Variants in ADAMTS10 observed in about 807,000 individuals in gnomAD.
ADAMTS10 encodes the protein ADAM metallopeptidase with thrombospondin type 1 motif 10.
A neutral mutation model predicts 135.9 loss-of-function variants in ADAMTS10; 48 were observed. The ratio of observed to expected loss-of-function variants is 0.35; its 90% CI spans 0.28 to 0.45. The LOEUF is 0.45. Among genes scored for constraint, ADAMTS10 ranks in the 20% least tolerant of loss-of-function variants. The pLI is 1.00. For missense variants in ADAMTS10, 1,131 were observed against 1,565.2 expected (o/e 0.72, Z 4.68); for synonymous variants, 621 against 647.5 (o/e 0.96, Z 0.62).
chr19:8,609,414 G>C (rs2042756739), intron 1 of ADAMTS10, among the ~76,000 whole-genome samples: 1 of 151,976 alleles, frequency 6.6e-6, no homozygotes, highest in Non-Finnish European at 1.5e-5. Flanking sequence ...CCCATCCCGG[G>C]GATCCTGAAG....
At chr19:8,608,083 ACAGCCGTGAGC>A (rs1270060849) in intron 2 of ADAMTS10, 40 bp downstream of exon 2, 2 of 152,514 alleles carry the variant, frequency 1.3e-5, no homozygotes, top group Non-Finnish European at 2.9e-5. Context: ...TGCTGGGATT[ACAGCCGTGAGC>A]CACAGCACCT....
Position 8,600,704 on chromosome 19 carries a change from T to C in ADAMTS10, c.810+224A>G, listed in dbSNP as rs192208534. The stretch of plus-strand genomic sequence containing the variant: ...TAGTAGAGATGGGGTTTCACCGTGT[T>C]AGCCAGGATGGTCTCCATCTCCTGA... On this transcript the variant is annotated intron_variant, in intron 6 of 25. Transcript: ENST00000597188. Among the ~76,000 whole-genome samples the C allele has an allele frequency of 1.7e-4, 26 of 152,122 alleles. 1 individual carries two copies. The highest frequency in any genetic ancestry group is 4.2e-4 in the South Asian group (2 of 4,796).
rs2042616597 is a variant in ADAMTS10 at position 8,597,259 on chromosome 19, C to T, written c.869G>A (p.Arg290His). The T allele has an allele frequency of 3.7e-6, 6 of 1,614,084 alleles. No individual in the cohort carries two copies. The highest frequency in any genetic ancestry group is 5.1e-6 in the Non-Finnish European group (6 of 1,180,028). The part of the protein sequence containing the change: ...LGSTVNILVT[R>H]LILLTEDQPT... The stretch of plus-strand genomic sequence containing the variant: ...CTGGTCCTCCGTGAGCAGGATGAGG[C>T]GAGTTACGAGGATGTTAACGGTGCT... The change falls in exon 7 of 26, where the codon CGC (arginine) becomes CAC (histidine). Residue 290 changes from arginine (R) to histidine (H), a missense_variant. Arg to His is a conservative substitution (Grantham distance 29). Around this residue, in one of 3 missense-constraint regions of ADAMTS10, gnomAD observed 80 missense variants for 164.4 expected, o/e 0.49. Coordinates refer to ENST00000597188, the MANE Select transcript of ADAMTS10 (RefSeq NM_030957.4).
chr19:8,596,524 C>T lies in ADAMTS10; in HGVS notation c.1084+18G>A. 6.2e-7 allele frequency: 1 copy of T among 1,614,028 alleles called. No individual in the cohort carries two copies. The highest frequency in any genetic ancestry group is 8.5e-7 in the Non-Finnish European group (1 of 1,179,946). ...CCACTGCCTTCATAGGCGCCTGAAA[C>T]CTACGGGGCTCGGGTACCTAGTGTG... On this transcript the variant is annotated intron_variant, in intron 9 of 25. Transcript: ENST00000597188. This position sits in a 1 kb window ranked among gnomAD's most constrained non-coding sequence, Gnocchi z 7.2.
At chr19:8,592,389 G>A (rs2042546944) in intron 13 of ADAMTS10, among the ~76,000 whole-genome samples, 1 of 151,486 alleles carries the variant, frequency 6.6e-6, no homozygotes, top group African/African-American at 2.4e-5. Flanking sequence ...TTCAGGCTGG[G>A]GAGGGGAGGT....
At chr19:8,603,570 G>A (rs540362486) in intron 5 of ADAMTS10, among the ~76,000 whole-genome samples, 158 bp downstream of exon 5, 4 of 152,176 alleles carry the variant, frequency 2.6e-5, no homozygotes, top group Admixed American at 6.5e-5. Context: ...CACTGCACCC[G>A]GCCGGAACTC....
intron 21 of ADAMTS10, 32 bp from the exon 22 acceptor site, chr19:8,586,283 C>T (rs1411970965): frequency 3.1e-6 from 5 of 1,613,212 alleles, no homozygotes; most frequent in Non-Finnish European, 4.2e-6. Flanking sequence ...CTGCTCAGCC[C>T]CTCCCGGCCC....
At chr19:8,590,578 C>T (rs1413999018) in intron 15 of ADAMTS10, among the ~76,000 whole-genome samples, 5 of 152,202 alleles carry the variant, frequency 3.3e-5, no homozygotes, top group Non-Finnish European at 1.5e-5. Context: ...CCTGCCTCAG[C>T]CTCCCAAGTA....
At chr19:8,592,642 G>A in intron 13 of ADAMTS10, 121 bp downstream of exon 13, 1 of 1,021,836 alleles carries the variant, frequency 9.8e-7, no homozygotes. Context: ...AGCACAAATG[G>A]CGGGCGTGGC....
At chr19:8,600,188 A>C (rs2042647428) in intron 6 of ADAMTS10, among the ~76,000 whole-genome samples, 1 of 152,192 alleles carries the variant, frequency 6.6e-6, no homozygotes, top group African/African-American at 2.4e-5. Context: ...ATGCTTTATG[A>C]ATGCACTGGA....
Position 8,596,108 on chromosome 19 carries a change from T to A in ADAMTS10, c.1302A>T (p.Ser434=). ...ITMKTNPFVW[S]SCSRDYITSF... The stretch of plus-strand genomic sequence containing the variant: ...TGGTGATGTAGTCACGGCTGCAGGA[T>A]GACCACACGAATGGGTTGGTCTTCA... Residue 434 remains serine (S), a synonymous_variant, in exon 11 of 26, where the codon TCA becomes TCT. Transcript: ENST00000597188. This position sits in a 1 kb window ranked among gnomAD's most constrained non-coding sequence, Gnocchi z 7.2. The A allele has an allele frequency of 6.2e-7, 1 of 1,614,216 alleles. No individual in the cohort carries two copies. Among genetic ancestry groups the A allele is most frequent in the Non-Finnish European group, 8.5e-7 (1 of 1,180,030 alleles).
Position 8,589,940 on chromosome 19 carries a change from C to T in ADAMTS10, c.1849G>A (p.Asp617Asn). The T allele has an allele frequency of 6.2e-7, 1 of 1,614,102 alleles. No homozygotes were observed. The highest frequency in any genetic ancestry group is 1.1e-5 in the South Asian group (1 of 91,090). ...DFREVQCSEFDSIPFRGKFYK... is the reference protein window; with the variant it reads ...DFREVQCSEFNSIPFRGKFYK... The stretch of plus-strand genomic sequence containing the variant: ...AATTTCCCACGGAAAGGGATGCTGT[C>T]AAATTCAGAACACTGCACTTCTCTG... The change falls in exon 16 of 26, where the codon GAC (aspartate) becomes AAC (asparagine). Residue 617 changes from aspartate to asparagine, a missense_variant. Around this residue, in one of 3 missense-constraint regions of ADAMTS10, gnomAD observed 745 missense variants for 1,056.3 expected, o/e 0.71. Transcript: ENST00000597188.
At chr19:8,602,769 G>T (rs1339578437) in intron 5 of ADAMTS10, among the ~76,000 whole-genome samples, 1 of 152,128 alleles carries the variant, frequency 6.6e-6, no homozygotes, top group African/African-American at 2.4e-5. Context: ...GGGACTACAG[G>T]AGCACACCAC....
At chr19:8,600,689 G>T (rs779740115) in intron 6 of ADAMTS10, among the ~76,000 whole-genome samples, 1 of 151,830 alleles carries the variant, frequency 6.6e-6, no homozygotes, top group African/African-American at 2.4e-5. Context: ...TAGTAGAGAT[G>T]GGGTTTCACC....
intron 25 of ADAMTS10, 62 bp downstream of exon 25, chr19:8,584,833 G>C: frequency 1.3e-6 from 2 of 1,541,506 alleles, no homozygotes; most frequent in Non-Finnish European, 8.8e-7. Context: ...GACCCCCAAT[G>C]CCCTCTGTGG....
In ADAMTS10 at chr19:8,586,217, C is replaced by T; in HGVS notation, c.2565G>A (p.Gln855=). The T allele has an allele frequency of 6.2e-7, 1 of 1,613,018 alleles. No individual in the cohort carries two copies. Among genetic ancestry groups the T allele is most frequent in the Non-Finnish European group, 8.5e-7 (1 of 1,179,924 alleles). The change falls in exon 22 of 26, where the codon CAG becomes CAA. Residue 855 remains glutamine, a synonymous_variant. Coordinates refer to ENST00000597188, the MANE Select transcript of ADAMTS10 (RefSeq NM_030957.4). ...GGGGGGCGACCGCGGAGCTGTCCAG[C>T]TGGTTGCGGCACTCCACCGCCTGCA... ...SQVQAVECRN[Q]LDSSAVAPHY... is the part of the protein sequence containing the mutation.
intron 25 of ADAMTS10, among the ~76,000 whole-genome samples, chr19:8,583,798 A>C (rs1270202871): frequency 6.6e-6 from 1 of 152,016 alleles, no homozygotes; most frequent in African/African-American, 2.4e-5. Context: ...TGGAGGTTGC[A>C]GTGAGCCGAG....
rs142320702 is a variant in ADAMTS10, at chr19:8,591,972, G to A, written c.1719C>T (p.His573=). ...TGAGGGCTGACCTGGGGCTGTCGCA[G>A]TGACGGCTAGAAGAGGACACGCCGC... ...CGGGVSSSSR[H]CDSPRPTIGG... Residue 573 remains histidine, a synonymous_variant, in exon 14 of 26, where the codon CAC becomes CAT. Coordinates refer to ENST00000597188, the MANE Select transcript of ADAMTS10 (RefSeq NM_030957.4). 1.5e-3 allele frequency: 2,356 copies of A among 1,613,512 alleles called. 8 individuals are homozygous for A. The highest frequency in any genetic ancestry group is 1.8e-3 in the Non-Finnish European group (2,113 of 1,179,808).
intron 5 of ADAMTS10, 86 bp downstream of exon 5, chr19:8,603,642 G>A: frequency 6.3e-7 from 1 of 1,577,504 alleles, no homozygotes; most frequent in East Asian, 2.2e-5. Flanking sequence ...ATAACTGCCT[G>A]CTGACTTTCT....
Sources: gnomAD v4.1 joint callset for allele counts (sites outside exome capture counted in the v4.1 genomes callset) on GRCh38, gnomAD v4.1.1 for gene constraint, gnomAD v4.1.1 regional missense constraint, Gnocchi (gnomAD v3.1) non-coding constraint, MANE v1.5 for transcripts, NCBI Gene and HGNC (gene_info 2026-07-23, HGNC 2026-07-21) for gene names.